NICN1: variants seen among roughly 807,000 people sequenced by gnomAD.
NICN1 encodes the protein nicolin-1.
NICN1 carries 18 observed loss-of-function variants against 26.3 expected under a neutral mutation model. The ratio of observed to expected loss-of-function variants is 0.68; its 90% CI spans 0.47 to 1.01. The LOEUF is 1.01. Ranked by LOEUF, NICN1 falls within the 50% of genes least tolerant of loss-of-function variation. The probability of loss-of-function intolerance (pLI) is 0.00; values close to 1 mark genes in which losing one functional copy is unlikely to be tolerated. For synonymous variants in NICN1, 109 were observed against 111.0 expected, an observed-to-expected ratio of 0.98 and a Z score of 0.11; for missense variants, 239 against 278.3, an observed-to-expected ratio of 0.86 and a Z score of 1.00.
At position 49,422,916 on chromosome 3, in the gene NICN1, C is replaced by T. The variant is rs1445475883; in HGVS notation, c.*1917G>A. On this transcript the variant is annotated 3_prime_UTR_variant, in exon 6 of 6. Transcript: ENST00000273598. ...TGGACCCCTAGTTCCACAGCTCTCC[C>T]ACCAGGCAGACACAGGCAGCCAGCA... is the stretch of plus-strand genomic sequence containing the variant. 10 of 290,636 alleles carry T rather than the reference C, an allele frequency of 3.4e-5. No individual in the cohort carries two copies. The highest frequency in any genetic ancestry group is 1.3e-4 in the African/African-American group (6 of 45,892). The allele number at this position is 290,636 out of a possible 1,614,324, so 18.0% of individuals were successfully genotyped here. A position where few individuals can be genotyped will look rare whatever the true frequency, so the allele number is the denominator to read the frequency against.
rs1310716742 is a variant in NICN1 at position 49,423,008 on chromosome 3, C to T, written c.*1825G>A. 1.8e-5 allele frequency: 4 copies of T among 218,370 alleles called. No homozygotes were observed. Among genetic ancestry groups the T allele is most frequent in the East Asian group, 1.1e-4 (1 of 8,910 alleles). 13.5% of individuals were successfully genotyped at this position (218,370 alleles called of 1,614,324 possible). A position where few individuals can be genotyped will look rare whatever the true frequency, so the allele number is the denominator to read the frequency against. On this transcript the variant is annotated 3_prime_UTR_variant, in exon 6 of 6. Coordinates refer to ENST00000273598, the MANE Select transcript of NICN1 (RefSeq NM_032316.3). ...AGGCCCTCAGATGGGGACACAGCCA[C>T]GAATGAAGCATGGTCCCTGCTACCA...
chr3:49,425,937 T>C lies in NICN1; in HGVS notation c.369A>G (p.Pro123=), dbSNP rs2107941842. The change falls in exon 3 of 6, where the codon CCA becomes CCG. Residue 123 remains proline, a synonymous_variant. Transcript: ENST00000273598. ...CCTCCACTGTGAAAGACAGCCACAG[T>C]GGTGATGGCTGCCGCAGAATCAGGC... The part of the protein sequence containing the change: ...ELRLILRQPS[P]LWLSFTVEEL... 6.2e-7 allele frequency: 1 copy of C among 1,612,236 alleles called. No homozygotes were observed. The highest frequency in any genetic ancestry group is 8.5e-7 in the Non-Finnish European group (1 of 1,178,444).
In NICN1 at chr3:49,422,373, A is replaced by G. The variant is rs764624214; in HGVS notation, c.*2460T>C. ...CCCTCTATCCCACCTGTGCGCAACT[A>G]AGTGGACGACACAAGGCCGGGGGGA... On this transcript the variant is annotated 3_prime_UTR_variant, in exon 6 of 6. Coordinates refer to ENST00000273598, the MANE Select transcript of NICN1 (RefSeq NM_032316.3). 40 of 1,613,520 alleles carry G rather than the reference A, an allele frequency of 2.5e-5. 1 individual carries two copies. Among genetic ancestry groups the G allele is most frequent in the Non-Finnish European group, 3.4e-5 (40 of 1,179,940 alleles).
intron 1 of NICN1, among the ~76,000 whole-genome samples, chr3:49,427,176 C>T (rs1330373158): frequency 1.3e-5 from 2 of 152,010 alleles, no homozygotes; most frequent in Non-Finnish European, 2.9e-5. Context: ...AAAAAATTAG[C>T]CGGGCTTGGT....
At position 49,422,394 on chromosome 3, in the gene NICN1, G is replaced by A. The variant is rs770512923; in HGVS notation, c.*2439C>T. 3 of 1,613,952 alleles carry A rather than the reference G, an allele frequency of 1.9e-6. No individual in the cohort carries two copies. Among genetic ancestry groups the A allele is most frequent in the South Asian group, 2.2e-5 (2 of 91,082 alleles). The stretch of plus-strand genomic sequence containing the variant: ...AACTAAGTGGACGACACAAGGCCGG[G>A]GGGAATGCCTGCAGGCGAAAGCCCA... On this transcript the variant is annotated 3_prime_UTR_variant, in exon 6 of 6. Transcript: ENST00000273598.
At chr3:49,425,495 GAT>G in intron 3 of NICN1, 57 bp from the exon 4 acceptor site, 1 of 1,427,366 alleles carries the variant, frequency 7.0e-7, no homozygotes, top group Non-Finnish European at 9.6e-7. Context: ...TCTGGGACCA[GAT>G]TCCAAGGTCC....
Position 49,425,071 on chromosome 3 carries a change from G to C in NICN1, c.496-18C>G. 1 of 1,599,536 alleles carries C rather than the reference G, an allele frequency of 6.3e-7. No homozygotes were observed. The highest frequency in any genetic ancestry group is 1.3e-5 in the African/African-American group (1 of 74,808). On this transcript the variant is annotated intron_variant, in intron 4 of 5. Transcript: ENST00000273598. ...GGGAGACCCTGCTCCAGAAGGAGGG[G>C]TCAGTGGCCATGGGTCTCTCCCCAG...
rs1451421188 is a variant in NICN1 at position 49,426,295 on chromosome 3, C to T, written c.266G>A (p.Ser89Asn). 2 of 1,614,252 alleles carry T rather than the reference C, an allele frequency of 1.2e-6. No homozygotes were observed. Among genetic ancestry groups the T allele is most frequent in the Non-Finnish European group, 1.7e-6 (2 of 1,180,054 alleles). ...TACATACTCCTGGGCTCCCTCCTCA[C>T]TGTGTGGGTCAGGCATTAGGCAGTA... ...RDYCLMPDPHSEEGAQEYVSL... is the reference protein window; with the variant it reads ...RDYCLMPDPHNEEGAQEYVSL... Residue 89 changes from serine (S) to asparagine (N), a missense_variant, in exon 2 of 6, where the codon AGT becomes AAT. Transcript: ENST00000273598.
intron 1 of NICN1, among the ~76,000 whole-genome samples, chr3:49,427,099 A>C (rs958541569): frequency 1.3e-5 from 2 of 152,068 alleles, no homozygotes; most frequent in Non-Finnish European, 2.9e-5. Context: ...AGGCGGGCGG[A>C]TCACAAGGTC....
chr3:49,426,521 CACCTTTTCTTTTTT>C, intron 1 of NICN1, 93 bp from the exon 2 acceptor site: 1 of 923,384 alleles, frequency 1.1e-6, no homozygotes, highest in Non-Finnish European at 1.6e-6. Context: ...TCCTTCTCCC[CACCTTTTCTTTTTT>C]TTTTTTTTTT....
Position 49,425,029 on chromosome 3 carries a change from A to C in NICN1, c.520T>G (p.Ser174Ala). 6.2e-7 allele frequency: 1 copy of C among 1,614,066 alleles called. No individual in the cohort carries two copies. The highest frequency in any genetic ancestry group is 8.5e-7 in the Non-Finnish European group (1 of 1,180,022). Residue 174 changes from serine (S) to alanine (A), a missense_variant, in exon 5 of 6, where the codon TCC (serine) becomes GCC (alanine). Physicochemically the swap from Ser to Ala is moderately conservative, Grantham distance 99. Transcript: ENST00000273598. ...REGLPDPSRVSSEVQQMWALT... is the reference protein window; with the variant it reads ...REGLPDPSRVASEVQQMWALT... Reference sequence around the variant, plus strand: ...GCCCACATCTGCTGCACCTCGGAGGATACCCTGCTGGGGTCTGGGAGACCC... The same window carrying C: ...GCCCACATCTGCTGCACCTCGGAGGCTACCCTGCTGGGGTCTGGGAGACCC...
Position 49,425,959 on chromosome 3 carries a change from A to C in NICN1, c.347T>G (p.Leu116Arg), listed in dbSNP as rs1351666520. The change falls in exon 3 of 6, where the codon CTG becomes CGG. Residue 116 changes from leucine (L) to arginine (R), a missense_variant. Transcript: ENST00000273598. ...CDMARISELRLILRQPSPLWL... is the reference protein window; with the variant it reads ...CDMARISELRRILRQPSPLWL... ...CAGTGGTGATGGCTGCCGCAGAATCAGGCGTAGCTCCGATATTCTAGCCAT... is the reference window on the plus strand; with the variant it reads ...CAGTGGTGATGGCTGCCGCAGAATCCGGCGTAGCTCCGATATTCTAGCCAT... 6.2e-7 allele frequency: 1 copy of C among 1,612,022 alleles called. No individual in the cohort carries two copies. The highest frequency in any genetic ancestry group is 1.1e-5 in the South Asian group (1 of 90,976).
chr3:49,422,334 C>T lies in NICN1; in HGVS notation c.*2499G>A. On this transcript the variant is annotated 3_prime_UTR_variant, in exon 6 of 6. Transcript: ENST00000273598. ...CCCCCAGCCGCTTCCCTCCCCCACC[C>T]TCCAAGATCAGCACCCTCTATCCCA... 6.2e-7 allele frequency: 1 copy of T among 1,613,866 alleles called. No homozygotes were observed. Among genetic ancestry groups the T allele is most frequent in the Middle Eastern group, 1.6e-4 (1 of 6,062 alleles).
At chr3:49,427,644 G>GAAAA (rs58773326) in intron 1 of NICN1, among the ~76,000 whole-genome samples, 8 of 102,790 alleles carry the variant, frequency 7.8e-5, no homozygotes, top group South Asian at 3.4e-4. Context: ...CTACCTCTCA[G>GAAAA]AAAAAAAAAA....
At chr3:49,427,715 G>A (rs546744564) in intron 1 of NICN1, among the ~76,000 whole-genome samples, 1 of 151,664 alleles carries the variant, frequency 6.6e-6, no homozygotes, top group African/African-American at 2.4e-5. Context: ...CAAAGGGTGA[G>A]AGAACCTGGT....
chr3:49,424,454 A>G lies in NICN1; in HGVS notation c.*379T>C. On this transcript the variant is annotated 3_prime_UTR_variant, in exon 6 of 6. Coordinates refer to ENST00000273598, the MANE Select transcript of NICN1 (RefSeq NM_032316.3). ...GGCAGCAATGGCCTTCCAGGTCCAT[A>G]CATGGAGCAGGTTTTAGTAGGTCAG... The G allele has an allele frequency of 2.8e-6, 1 of 358,106 alleles. No homozygotes were observed. Among genetic ancestry groups the G allele is most frequent in the East Asian group, 5.9e-5 (1 of 16,976 alleles). The allele number at this position is 358,106 out of a possible 1,614,324, so 22.2% of individuals were successfully genotyped here.
Position 49,425,999 on chromosome 3 carries a change from GACAC to G in NICN1, c.310-7_310-4del. ...ATTCTAGCCATGTCACACAGCATCTGACACACACACACAAGGACCCAGCAAGGAT... is the reference window on the plus strand; with the variant it reads ...ATTCTAGCCATGTCACACAGCATCTGACACACACAAGGACCCAGCAAGGAT... On this transcript the variant is annotated splice_polypyrimidine_tract_variant and splice_region_variant and intron_variant, in intron 2 of 5. Transcript: ENST00000273598. 2 of 1,572,388 alleles carry G rather than the reference GACAC, an allele frequency of 1.3e-6. No homozygotes were observed. Among genetic ancestry groups the G allele is most frequent in the Non-Finnish European group, 1.7e-6 (2 of 1,143,916 alleles).
intron 1 of NICN1, among the ~76,000 whole-genome samples, chr3:49,428,220 CAA>C (rs894696987): frequency 4.3e-5 from 6 of 139,494 alleles, no homozygotes; most frequent in East Asian, 4.1e-4. Flanking sequence ...ACCTCCATCT[CAA>C]AAAAAAAAAG....
rs1559533357 is a variant in NICN1 at position 49,429,279 on chromosome 3, GC to G, written c.-41del. On this transcript the variant is annotated 5_prime_UTR_variant, in exon 1 of 6. Transcript: ENST00000273598. ...CAACTAAGTGCAACCGCCGCTCTAG[GC>G]CCCCGACCACCAGCCCTTCCCGGCA... The G allele has an allele frequency of 6.4e-7, 1 of 1,552,974 alleles. No individual in the cohort carries two copies. The highest frequency in any genetic ancestry group is 8.7e-7 in the Non-Finnish European group (1 of 1,146,052).
Sources: allele counts gnomAD v4.1 joint callset (sites outside exome capture counted in the v4.1 genomes callset), GRCh38; gene constraint gnomAD v4.1.1; transcripts MANE v1.5; gene names NCBI Gene and HGNC (gene_info 2026-07-23, HGNC 2026-07-21).